The following IRAK2 variants were observed in gnomAD, a reference collection of about 807,000 sequenced individuals.
IRAK2 encodes interleukin 1 receptor associated kinase 2.
IRAK2 carries 57 observed loss-of-function variants against 72.0 expected under a neutral mutation model. That is an observed-to-expected ratio of 0.79 (90% CI 0.64 to 0.99). The LOEUF (loss-of-function observed/expected upper bound fraction) is 0.99. Among genes scored for constraint, IRAK2 ranks in the 50% least tolerant of loss-of-function variants. IRAK2 has a pLI of 0.00. For missense variants in IRAK2, 790 were observed against 794.4 expected, an observed-to-expected ratio of 0.99 and a Z score of 0.07; for synonymous variants, 293 against 312.7, an observed-to-expected ratio of 0.94 and a Z score of 0.67.
intron 9 of IRAK2, among the ~76,000 whole-genome samples, chr3:10,225,611 C>T (rs1697760865): frequency 6.6e-6 from 1 of 152,026 alleles, no homozygotes; most frequent in East Asian, 1.9e-4. Context: ...CAAGATTTGT[C>T]TAGAATAGAT....
chr3:10,173,173 G>A (rs1696823662), intron 1 of IRAK2, among the ~76,000 whole-genome samples: 1 of 152,036 alleles, frequency 6.6e-6, no homozygotes, highest in African/African-American at 2.4e-5. Context: ...TGAGGCTCAG[G>A]GGGAGATGAA....
chr3:10,173,782 G>A (rs573939148), intron 1 of IRAK2, among the ~76,000 whole-genome samples: 3 of 152,210 alleles, frequency 2.0e-5, no homozygotes, highest in East Asian at 1.9e-4. Flanking sequence ...CTGAGATCAC[G>A]CCACTGCACT....
At chr3:10,232,705 A>G (rs1697878773) in intron 10 of IRAK2, among the ~76,000 whole-genome samples, 1 of 152,200 alleles carries the variant, frequency 6.6e-6, no homozygotes, top group African/African-American at 2.4e-5. Context: ...CTAGAAAAGA[A>G]GAAAATAATA....
chr3:10,219,953 G>T lies in IRAK2; in HGVS notation c.1013+164G>T, dbSNP rs148689412. Among the ~76,000 whole-genome samples, 190 of 152,124 alleles carry T rather than the reference G, an allele frequency of 1.2e-3. 1 individual carries two copies. The highest frequency in any genetic ancestry group is 9.9e-3 in the Admixed American group (151 of 15,282). On this transcript the variant is annotated intron_variant, in intron 8 of 12. Transcript: ENST00000256458. The stretch of plus-strand genomic sequence containing the variant: ...CCCTGGATGTCTTTTTCTCTGTTAT[G>T]CCCTCAAAAATGAGTGTTTCCGGGC...
chr3:10,190,935 T>C (rs922929651), intron 2 of IRAK2, among the ~76,000 whole-genome samples: 1 of 151,994 alleles, frequency 6.6e-6, no homozygotes, highest in African/African-American at 2.4e-5. Flanking sequence ...GAAGAGAGGG[T>C]TGGAAGAGGC....
intron 1 of IRAK2, among the ~76,000 whole-genome samples, chr3:10,167,610 T>C (rs1169169225): frequency 6.6e-6 from 1 of 152,076 alleles, no homozygotes; most frequent in African/African-American, 2.4e-5. Context: ...AGAGATGGGG[T>C]TTCACTGTGT....
chr3:10,170,162 A>G lies in IRAK2; in HGVS notation c.94+5114A>G, dbSNP rs569185179. The stretch of plus-strand genomic sequence containing the variant: ...TGAGGCCTGCAGCATCCTGTGGCTT[A>G]TGGCCCCTTCCTCCATCATCAAGGC... On this transcript the variant is annotated intron_variant, in intron 1 of 12. Coordinates refer to ENST00000256458, the MANE Select transcript of IRAK2 (RefSeq NM_001570.4). Among the ~76,000 whole-genome samples the G allele has an allele frequency of 4.8e-4, 73 of 152,242 alleles. 1 individual carries two copies. Among genetic ancestry groups the G allele is most frequent in the African/African-American group, 1.6e-3 (68 of 41,536 alleles).
chr3:10,184,737 T>G (rs1475274919), intron 2 of IRAK2, among the ~76,000 whole-genome samples: 2 of 141,708 alleles, frequency 1.4e-5, no homozygotes, highest in African/African-American at 2.7e-5. Flanking sequence ...TTTTTTTTTT[T>G]TTTTTTTTTT....
rs769170523 is a variant in IRAK2 at position 10,222,785 on chromosome 3, G to T, written c.1163G>T (p.Arg388Leu). ...SAAYLPEDFI[R>L]VGQLTKRVDI... ...GCGTATCTGCCAGAGGATTTCATCC[G>T]GGTGGGGCAGCTGACAAAGCGAGTG... The change falls in exon 9 of 13, where the codon CGG (arginine) becomes CTG (leucine). Residue 388 changes from arginine to leucine, a missense_variant. Arg to Leu is a moderately radical substitution (Grantham distance 102). Transcript: ENST00000256458. 1 of 1,614,060 alleles carries T rather than the reference G, an allele frequency of 6.2e-7. No homozygotes were observed. Among genetic ancestry groups the T allele is most frequent in the South Asian group, 1.1e-5 (1 of 91,084 alleles).
chr3:10,213,181 T>A, intron 4 of IRAK2, 26 bp from the exon 5 acceptor site: 4 of 1,596,764 alleles, frequency 2.5e-6, no homozygotes, highest in Non-Finnish European at 3.4e-6. Flanking sequence ...CATAGTAATC[T>A]CCATCTCTTC....
chr3:10,164,939 G>A lies in IRAK2; in HGVS notation c.-16G>A, dbSNP rs1468913551. The A allele has an allele frequency of 2.5e-6, 4 of 1,575,200 alleles. No homozygotes were observed. Among genetic ancestry groups the A allele is most frequent in the African/African-American group, 1.4e-5 (1 of 73,158 alleles). ...GACCCAGTCGTCCCGCGCCGGAGCCGGCCCCGTAGCGTGCCATGGCCTGCT... is the reference window on the plus strand; with the variant it reads ...GACCCAGTCGTCCCGCGCCGGAGCCAGCCCCGTAGCGTGCCATGGCCTGCT... On this transcript the variant is annotated 5_prime_UTR_variant, in exon 1 of 13. Coordinates refer to ENST00000256458, the MANE Select transcript of IRAK2 (RefSeq NM_001570.4).
intron 2 of IRAK2, among the ~76,000 whole-genome samples, chr3:10,196,823 G>A (rs1453010990): frequency 6.6e-6 from 1 of 152,076 alleles, no homozygotes; most frequent in Non-Finnish European, 1.5e-5. Context: ...TACACAACGT[G>A]GACATTCGTT....
intron 2 of IRAK2, among the ~76,000 whole-genome samples, chr3:10,191,156 G>A (rs990218961): frequency 3.9e-5 from 6 of 152,074 alleles, no homozygotes; most frequent in African/African-American, 1.4e-4. Context: ...TTAGCTGGGC[G>A]TGGTGGCGGG....
intron 11 of IRAK2, among the ~76,000 whole-genome samples, chr3:10,234,909 CTG>C (rs1479995903): frequency 6.6e-6 from 1 of 152,240 alleles, no homozygotes; most frequent in African/African-American, 2.4e-5. Context: ...GATGAACTCT[CTG>C]TGAATCGGCT....
chr3:10,211,478 C>T lies in IRAK2; in HGVS notation c.529-1729C>T, dbSNP rs543154422. ...AAAAAAGTTTAAAAAATAAGCCAGG[C>T]GTGGTGGCACACACCTGTAGTCCCA... On this transcript the variant is annotated intron_variant, in intron 4 of 12. Coordinates refer to ENST00000256458, the MANE Select transcript of IRAK2 (RefSeq NM_001570.4). Among the ~76,000 whole-genome samples, 4 of 147,840 alleles carry T rather than the reference C, an allele frequency of 2.7e-5. No homozygotes were observed. In the South Asian group the frequency reaches 7.2e-4, roughly 26 times the overall value.
chr3:10,225,876 T>C (rs1430629643), intron 9 of IRAK2, among the ~76,000 whole-genome samples: 1 of 152,056 alleles, frequency 6.6e-6, no homozygotes, highest in African/African-American at 2.4e-5. Context: ...TTTTTTTGTA[T>C]CTTTAGTAGA....
At chr3:10,205,886 G>A (rs952675098) in intron 3 of IRAK2, among the ~76,000 whole-genome samples, 4 of 152,170 alleles carry the variant, frequency 2.6e-5, no homozygotes, top group South Asian at 2.1e-4. Context: ...TGAGGGATGC[G>A]GGCCAAGGGT....
chr3:10,235,871 G>A (rs777628885), intron 11 of IRAK2, among the ~76,000 whole-genome samples: 1 of 152,162 alleles, frequency 6.6e-6, no homozygotes, highest in Non-Finnish European at 1.5e-5. Flanking sequence ...CACGTGGCAG[G>A]AGCTGGAGGC....
intron 8 of IRAK2, among the ~76,000 whole-genome samples, chr3:10,221,236 C>G (rs1309023086): frequency 7.1e-6 from 1 of 139,934 alleles, no homozygotes; most frequent in Non-Finnish European, 1.5e-5. Context: ...ACTAAAAATA[C>G]CAAAAAAAAA....
Sources: gnomAD v4.1 joint callset for allele counts (sites outside exome capture counted in the v4.1 genomes callset) on GRCh38, gnomAD v4.1.1 for gene constraint, MANE v1.5 for transcripts, NCBI Gene and HGNC (gene_info 2026-07-23, HGNC 2026-07-21) for gene names.